The following MTRF1 variants were observed in gnomAD, a reference collection of about 807,000 sequenced individuals.
The protein encoded by MTRF1 is mitochondrial translation release factor 1, also known as peptide chain release factor 1, mitochondrial.
Under a neutral mutation model 62.9 loss-of-function variants are expected in MTRF1, and 51 were observed. That is an observed-to-expected ratio of 0.81 (90% CI 0.65 to 1.02). The LOEUF is 1.02. MTRF1 is among the 50% of genes least tolerant of loss of function. MTRF1 has a pLI of 0.00. For synonymous variants in MTRF1, 158 were observed against 181.9 expected, an observed-to-expected ratio of 0.87 and a Z score of 1.06; for missense variants, 446 against 530.0, an observed-to-expected ratio of 0.84 and a Z score of 1.56.
intron 1 of MTRF1, 54 bp from the exon 2 acceptor site, chr13:41,260,969 C>T (rs1424798643): frequency 2.8e-6 from 4 of 1,427,724 alleles, no homozygotes; most frequent in Middle Eastern, 1.9e-4. Context: ...AAGATACATG[C>T]ATAATAAACC....
chr13:41,256,871 G>C (rs970710512), intron 2 of MTRF1, among the ~76,000 whole-genome samples: 8 of 152,280 alleles, frequency 5.3e-5, no homozygotes, highest in African/African-American at 1.4e-4. Context: ...GTTTCATGCT[G>C]CAGAAGATAG....
chr13:41,259,711 A>AAAAAAACAAAAACAAAAAAAAAC (rs1566179307), intron 2 of MTRF1, among the ~76,000 whole-genome samples: 25 of 149,552 alleles, frequency 1.7e-4, no homozygotes, highest in Non-Finnish European at 2.8e-4. Context: ...CAAAAAAAAA[A>AAAAAAACAAAAACAAAAAAAAAC]AAAAAAAAAA....
the MTRF1 span, among the ~76,000 whole-genome samples, chr13:41,279,914 A>G: frequency 6.6e-6 from 1 of 152,070 alleles, no homozygotes; most frequent in Non-Finnish European, 1.5e-5. Flanking sequence ...TTCTCTGCAA[A>G]GTAAAATTTG....
intron 6 of MTRF1, among the ~76,000 whole-genome samples, chr13:41,238,246 T>C (rs954013640): frequency 2.6e-5 from 4 of 152,122 alleles, no homozygotes; most frequent in Admixed American, 2.0e-4. Context: ...AATCTAACTG[T>C]GTCAGAAAGC....
chr13:41,252,636 T>A lies in MTRF1; in HGVS notation c.697+9A>T. 4 of 1,599,066 alleles carry A rather than the reference T, an allele frequency of 2.5e-6. No individual in the cohort carries two copies. The South Asian group carries it at 4.4e-5, about 18-fold the overall frequency. ...TATCTCCTACAGGCAAATTCCTCAA[T>A]ATGCCTACCATAATCTGCTGGTGTA... On this transcript the variant is annotated intron_variant, in intron 5 of 9. Transcript: ENST00000379480.
chr13:41,216,753 A>AT lies in MTRF1; in HGVS notation c.*361dup, dbSNP rs1211668102. 1 of 153,910 alleles carries AT rather than the reference A, an allele frequency of 6.5e-6. No homozygotes were observed. Among genetic ancestry groups the AT allele is most frequent in the Non-Finnish European group, 1.4e-5 (1 of 69,276 alleles). The allele number at this position is 153,910 out of a possible 1,614,324, so 9.5% of individuals were successfully genotyped here. ...TTCATATTTTACTAAATTTTACCAT[A>AT]TTTTCCTGAAGTAGTAGATTAAAAA... On this transcript the variant is annotated 3_prime_UTR_variant, in exon 10 of 10. Coordinates refer to ENST00000379480, the MANE Select transcript of MTRF1 (RefSeq NM_004294.4).
At chr13:41,279,858 A>C in the MTRF1 span, among the ~76,000 whole-genome samples, 1 of 152,150 alleles carries the variant, frequency 6.6e-6, no homozygotes, top group Non-Finnish European at 1.5e-5. Flanking sequence ...CTGATAAGAA[A>C]CATTTTACAA....
the MTRF1 span, among the ~76,000 whole-genome samples, chr13:41,289,989 G>C: frequency 1.6e-4 from 25 of 151,840 alleles, no homozygotes; most frequent in African/African-American, 5.6e-4. Context: ...TGCAGAAAAT[G>C]CTTTCCAAGA....
intron 5 of MTRF1, among the ~76,000 whole-genome samples, chr13:41,249,147 G>T (rs189555115): frequency 3.7e-4 from 57 of 152,144 alleles, no homozygotes; most frequent in African/African-American, 1.3e-3. Context: ...AAATTTGTGT[G>T]CACATATATG....
At chr13:41,288,219 T>C in the MTRF1 span, 3 of 445,504 alleles carry the variant, frequency 6.7e-6, no homozygotes, top group Non-Finnish European at 1.3e-5. Context: ...TCAAAGACAA[T>C]AGTGATAATG....
the MTRF1 span, among the ~76,000 whole-genome samples, chr13:41,300,248 C>T: frequency 6.6e-6 from 1 of 152,162 alleles, no homozygotes; most frequent in East Asian, 1.9e-4. Flanking sequence ...TCCCTGAATA[C>T]ACACTTCTGT....
At chr13:41,265,883 C>T (rs1478368087), upstream of MTRF1, among the ~76,000 whole-genome samples, 1 of 152,114 alleles carries the variant, frequency 6.6e-6, no homozygotes, top group East Asian at 1.9e-4. Context: ...TGGAGTCTCG[C>T]TCTGTCACCA....
At chr13:41,263,609 C>G, upstream of MTRF1, 1 of 190,234 alleles carries the variant, frequency 5.3e-6, no homozygotes, top group South Asian at 8.8e-5. Flanking sequence ...TCCGGGTTAA[C>G]GCACGCTCCC....
rs375091502 is a variant in MTRF1, at chr13:41,252,620, C to T, written c.697+25G>A. The T allele has an allele frequency of 5.8e-6, 9 of 1,541,918 alleles. No individual in the cohort carries two copies. In the African/African-American group the frequency reaches 1.1e-4, roughly 19 times the overall value. ...GTAAAATAATTTTCAGTATCTCCTA[C>T]AGGCAAATTCCTCAATATGCCTACC... On this transcript the variant is annotated intron_variant, in intron 5 of 9. Coordinates refer to ENST00000379480, the MANE Select transcript of MTRF1 (RefSeq NM_004294.4).
chr13:41,311,558 G>C, the MTRF1 span: 8 of 1,608,674 alleles, frequency 5.0e-6, no homozygotes, highest in East Asian at 1.6e-4. Context: ...CGCCCAAGGA[G>C]AGCAACCTCT....
intron 6 of MTRF1, among the ~76,000 whole-genome samples, chr13:41,238,032 A>C (rs1207254422): frequency 1.3e-5 from 2 of 152,290 alleles, no homozygotes; most frequent in East Asian, 3.9e-4. Context: ...TGTAATGTTA[A>C]ATTTGAATTG....
At chr13:41,291,864 A>T in the MTRF1 span, among the ~76,000 whole-genome samples, 3 of 152,166 alleles carry the variant, frequency 2.0e-5, no homozygotes, top group Non-Finnish European at 4.4e-5. Flanking sequence ...TTCCACTGTC[A>T]TTGGTAAAAT....
chr13:41,273,625 G>C, the MTRF1 span, among the ~76,000 whole-genome samples: 4 of 151,938 alleles, frequency 2.6e-5, no homozygotes, highest in African/African-American at 9.7e-5. Flanking sequence ...ATCACCTGAG[G>C]TCAGGAGTTT....
chr13:41,311,342 C>T, the MTRF1 span: 1 of 604,222 alleles, frequency 1.7e-6, no homozygotes, highest in Non-Finnish European at 2.9e-6. Flanking sequence ...GCTCAGACCG[C>T]CTTCCTTCTC....
Sources: allele counts gnomAD v4.1 joint callset (sites outside exome capture counted in the v4.1 genomes callset), GRCh38; gene constraint gnomAD v4.1.1; transcripts MANE v1.5; gene names NCBI Gene and HGNC (gene_info 2026-07-23, HGNC 2026-07-21).